Variants in CTNNA2 observed in about 807,000 individuals in gnomAD.
CTNNA2 encodes the protein catenin alpha 2.
CTNNA2 carries 42 observed loss-of-function variants against 101.0 expected under a neutral mutation model. The ratio of observed to expected loss-of-function variants is 0.42; its 90% CI spans 0.32 to 0.54. The LOEUF (loss-of-function observed/expected upper bound fraction) is 0.54, where lower values mean the gene tolerates loss of function less well. Among genes scored for constraint, CTNNA2 ranks in the 20% least tolerant of loss-of-function variants. The pLI is 0.14. For synonymous variants in CTNNA2, 450 were observed against 456.4 expected (o/e 0.99, Z 0.18); for missense variants, 871 against 1,223.1 (o/e 0.71, Z 4.29).
At chr2:79,832,822 G>C (rs1159812555) in intron 3 of CTNNA2, among the ~76,000 whole-genome samples, 1 of 152,200 alleles carries the variant, frequency 6.6e-6, no homozygotes. Flanking sequence ...AAGAGTGCCA[G>C]TACCAGATGT....
chr2:80,344,515 C>T (rs936600548), intron 7 of CTNNA2, among the ~76,000 whole-genome samples: 1 of 152,184 alleles, frequency 6.6e-6, no homozygotes, highest in Non-Finnish European at 1.5e-5. Context: ...CCCTCAGTCT[C>T]ACTCTGCCAC....
chr2:79,396,888 C>G lies in CTNNA2; in HGVS notation c.-135+22875C>G, dbSNP rs945407855. Among the ~76,000 whole-genome samples, 2 of 152,128 alleles carry G rather than the reference C, an allele frequency of 1.3e-5. 1 individual carries two copies. The highest frequency in any genetic ancestry group is 2.9e-5 in the Non-Finnish European group (2 of 68,022). ...GAATTTAAGAATCCCTGTGGATTAC[C>G]TCTGTAGACCACGGGATGTAATTTG... is the stretch of plus-strand genomic sequence containing the variant. On this transcript the variant is annotated intron_variant, in intron 4 of 21. Transcript: ENST00000466387.
At chr2:79,841,875 G>T (rs1679843800) in intron 3 of CTNNA2, among the ~76,000 whole-genome samples, 2 of 152,168 alleles carry the variant, frequency 1.3e-5, no homozygotes, top group Non-Finnish European at 2.9e-5. Flanking sequence ...GAACAAAAAG[G>T]ATTTGGGACT....
chr2:80,588,696 G>A (rs62151967), intron 14 of CTNNA2, among the ~76,000 whole-genome samples: 13,803 of 152,060 alleles, frequency 0.091, 1,305 homozygotes, highest in African/African-American at 0.24. Context: ...ACAAGGAGCC[G>A]CAGGCATGCC....
intron 9 of CTNNA2, among the ~76,000 whole-genome samples, chr2:80,483,724 A>G (rs1686326521): frequency 6.6e-6 from 1 of 152,224 alleles, no homozygotes; most frequent in Admixed American, 6.5e-5. Context: ...AGTTGGTTTC[A>G]GTTCAGAAAA....
intron 9 of CTNNA2, among the ~76,000 whole-genome samples, chr2:80,521,009 G>A (rs1414099718): frequency 6.6e-6 from 1 of 152,172 alleles, no homozygotes; most frequent in Non-Finnish European, 1.5e-5. Context: ...TGAGGCAGGG[G>A]TACCAGGTGA....
At chr2:79,677,789 A>C (rs1683284810) in intron 2 of CTNNA2, among the ~76,000 whole-genome samples, 1 of 152,232 alleles carries the variant, frequency 6.6e-6, no homozygotes, top group Admixed American at 6.5e-5. Context: ...ATAAAGTAAG[A>C]AGAGGAGTTA....
In CTNNA2 at chr2:80,064,170, A is replaced by T. The variant is rs180855344; in HGVS notation, c.1056+154373A>T. On this transcript the variant is annotated intron_variant, in intron 7 of 18. Transcript: ENST00000402739. The stretch of plus-strand genomic sequence containing the variant: ...ATGCAGCCTTCCTCATTCTAAGCTG[A>T]CATGCTCACTGAAGCCTTCAGTAGA... Among the ~76,000 whole-genome samples, 353 of 152,360 alleles carry T rather than the reference A, an allele frequency of 2.3e-3. 3 individuals carry two copies. The highest frequency in any genetic ancestry group is 8.1e-3 in the African/African-American group (335 of 41,590).
intron 1 of CTNNA2, among the ~76,000 whole-genome samples, chr2:79,551,327 A>G (rs1674086238): frequency 6.6e-6 from 1 of 152,190 alleles, no homozygotes; most frequent in Admixed American, 6.5e-5. Context: ...GGGGGAGGGT[A>G]GATAAAAGAG....
intron 9 of CTNNA2, among the ~76,000 whole-genome samples, chr2:80,496,764 C>T (rs1042157139): frequency 2.0e-5 from 3 of 152,270 alleles, no homozygotes; most frequent in African/African-American, 7.2e-5. Flanking sequence ...TATATTTGCT[C>T]AAACAATTGA....
chr2:80,619,546 C>CT (rs1224642367), intron 18 of CTNNA2, among the ~76,000 whole-genome samples: 1 of 151,862 alleles, frequency 6.6e-6, no homozygotes, highest in African/African-American at 2.4e-5. Context: ...GTGAGCTTCA[C>CT]TAAGGAAGGG....
intron 9 of CTNNA2, among the ~76,000 whole-genome samples, chr2:80,517,653 C>T (rs762538138): frequency 6.6e-6 from 1 of 152,290 alleles, no homozygotes; most frequent in Middle Eastern, 3.4e-3. Flanking sequence ...CATTGAGGAA[C>T]TTGTAGAGAG....
chr2:79,271,032 G>A (rs1675069503), intron 2 of CTNNA2, among the ~76,000 whole-genome samples: 2 of 152,120 alleles, frequency 1.3e-5, no homozygotes, highest in Admixed American at 6.5e-5. Flanking sequence ...AGTCTGTATA[G>A]TCTGACTTTG....
At chr2:79,234,113 T>G (rs1274986464) in intron 2 of CTNNA2, among the ~76,000 whole-genome samples, 2 of 151,558 alleles carry the variant, frequency 1.3e-5, no homozygotes, top group African/African-American at 4.9e-5. Context: ...GTAGACTTGA[T>G]GGTGTAGTTT....
At chr2:79,523,400 A>G in intron 1 of CTNNA2, 1 of 222,606 alleles carries the variant, frequency 4.5e-6, no homozygotes, top group Non-Finnish European at 9.0e-6. Context: ...TATAGTTTAA[A>G]GATATCTCCA....
intron 9 of CTNNA2, among the ~76,000 whole-genome samples, chr2:80,493,742 T>A (rs974137733): frequency 2.0e-5 from 3 of 152,200 alleles, no homozygotes; most frequent in Non-Finnish European, 4.4e-5. Context: ...ACATTTGTGT[T>A]CTTGGTTTCC....
chr2:79,920,369 C>T (rs976439012), intron 7 of CTNNA2, among the ~76,000 whole-genome samples: 1 of 152,192 alleles, frequency 6.6e-6, no homozygotes, highest in African/African-American at 2.4e-5. Flanking sequence ...AAAATCACAT[C>T]ATCTTATTGT....
intron 4 of CTNNA2, among the ~76,000 whole-genome samples, chr2:79,445,993 T>C (rs1678829232): frequency 6.6e-6 from 1 of 152,142 alleles, no homozygotes; most frequent in South Asian, 2.1e-4. Flanking sequence ...TCCCGACATA[T>C]GTCATTTAAA....
chr2:80,645,468 C>A (rs1673974344), intron 18 of CTNNA2, among the ~76,000 whole-genome samples: 1 of 152,138 alleles, frequency 6.6e-6, no homozygotes, highest in Admixed American at 6.6e-5. Context: ...TAAAGTAAAC[C>A]ATCAAGACAG....
Sources: allele counts gnomAD v4.1 joint callset (sites outside exome capture counted in the v4.1 genomes callset), GRCh38; gene constraint gnomAD v4.1.1; transcripts MANE v1.5; gene names NCBI Gene and HGNC (gene_info 2026-07-23, HGNC 2026-07-21).